Variants in XDH observed in about 807,000 individuals in gnomAD.
XDH encodes xanthine dehydrogenase/oxidase.
XDH carries 138 observed loss-of-function variants against 156.1 expected under a neutral mutation model. The observed-to-expected ratio is 0.88, with a 90% CI of 0.77 to 1.02. The LOEUF is 1.02. Ranked by LOEUF, XDH falls within the 50% of genes least tolerant of loss-of-function variation. XDH has a pLI of 0.00. For synonymous variants in XDH, 669 were observed against 625.7 expected (o/e 1.07, Z -1.03); for missense variants, 1,849 against 1,684.9 (o/e 1.10, Z -1.71).
At chr2:31,369,707 C>T (rs1467476314) in intron 18 of XDH, among the ~76,000 whole-genome samples, 2 of 152,232 alleles carry the variant, frequency 1.3e-5, no homozygotes, top group Non-Finnish European at 2.9e-5. Flanking sequence ...ATGAAATGCT[C>T]TCCTCATGGA....
Position 31,401,333 on chromosome 2 carries a change from A to T in XDH, c.198-5T>A, listed in dbSNP as rs1290475791. The T allele has an allele frequency of 1.9e-6, 3 of 1,614,068 alleles. No homozygotes were observed. The highest frequency in any genetic ancestry group is 2.5e-6 in the Non-Finnish European group (3 of 1,179,980). On this transcript the variant is annotated splice_polypyrimidine_tract_variant and splice_region_variant and intron_variant, in intron 3 of 35. Coordinates refer to ENST00000379416, the MANE Select transcript of XDH (RefSeq NM_000379.4). ...CAGGCATTGGCAGAAAAGTGGCTAG[A>T]ACCCCAGATTAAGGTCATTCCATTT...
At chr2:31,357,011 T>C (rs1685643614) in intron 24 of XDH, among the ~76,000 whole-genome samples, 1 of 151,828 alleles carries the variant, frequency 6.6e-6, no homozygotes, top group African/African-American at 2.4e-5. Flanking sequence ...AGAGAAGGTG[T>C]CAGGGAAATA....
Position 31,348,355 on chromosome 2 carries a change from G to A in XDH, c.3060C>T (p.Ala1020=). 2 of 1,614,146 alleles carry A rather than the reference G, an allele frequency of 1.2e-6. No individual in the cohort carries two copies. Among genetic ancestry groups the A allele is most frequent in the Non-Finnish European group, 1.7e-6 (2 of 1,180,022 alleles). ...FTVPFLNQAG[A]LLHVYTDGSV... is the part of the protein sequence containing the mutation. Reference sequence around the variant, plus strand: ...AGCCATCTGTGTACACATGAAGTAGGGCTCCTGCCTAGGGAAAGAGAAGGA... The same window carrying A: ...AGCCATCTGTGTACACATGAAGTAGAGCTCCTGCCTAGGGAAAGAGAAGGA... Residue 1020 remains alanine, a synonymous_variant, in exon 28 of 36, where the codon GCC becomes GCT. Coordinates refer to ENST00000379416, the MANE Select transcript of XDH (RefSeq NM_000379.4).
chr2:31,346,198 G>T (rs1685284570), intron 30 of XDH, among the ~76,000 whole-genome samples: 1 of 152,184 alleles, frequency 6.6e-6, no homozygotes, highest in South Asian at 2.1e-4. Context: ...AGACTCCCTT[G>T]CCCCTTCCCT....
At chr2:31,386,080 A>G (rs1280626692) in intron 9 of XDH, among the ~76,000 whole-genome samples, 2 of 152,170 alleles carry the variant, frequency 1.3e-5, no homozygotes, top group Non-Finnish European at 2.9e-5. Context: ...AGTCAACTAC[A>G]TGCAAGGATC....
chr2:31,342,615 G>C (rs1184123127), intron 31 of XDH, among the ~76,000 whole-genome samples: 3 of 152,128 alleles, frequency 2.0e-5, no homozygotes, highest in Non-Finnish European at 2.9e-5. Context: ...GCTCACGAAG[G>C]ACATGAAAGT....
intron 6 of XDH, among the ~76,000 whole-genome samples, chr2:31,395,683 C>G (rs964122421): frequency 3.3e-5 from 5 of 152,196 alleles, no homozygotes; most frequent in African/African-American, 1.2e-4. Flanking sequence ...TCTTCCTATC[C>G]TGGCAAAGGT....
Position 31,383,076 on chromosome 2 carries a change from G to C in XDH, c.963C>G (p.Ala321=), listed in dbSNP as rs1686480859. The C allele has an allele frequency of 6.2e-7, 1 of 1,614,166 alleles. No individual in the cohort carries two copies. The highest frequency in any genetic ancestry group is 8.5e-7 in the Non-Finnish European group (1 of 1,180,046). ...TLVDAVAKLP[A]QKTEVFRGVL... is the part of the protein sequence containing the mutation. ...CCCCTCTGAACACCTCTGTCTTTTG[G>C]GCAGGAAGCTTAGCAACAGCATCCA... is the stretch of plus-strand genomic sequence containing the variant. The change falls in exon 11 of 36, where the codon GCC becomes GCG. Residue 321 remains alanine (A), a synonymous_variant. Coordinates refer to ENST00000379416, the MANE Select transcript of XDH (RefSeq NM_000379.4).
At chr2:31,345,550 A>G (rs1413027608) in intron 30 of XDH, among the ~76,000 whole-genome samples, 1 of 152,208 alleles carries the variant, frequency 6.6e-6, no homozygotes, top group Non-Finnish European at 1.5e-5. Flanking sequence ...CTTTGCATAC[A>G]TTATCTTACT....
intron 22 of XDH, among the ~76,000 whole-genome samples, 168 bp downstream of exon 22, chr2:31,365,808 G>A (rs1183270056): frequency 6.6e-6 from 1 of 152,208 alleles, no homozygotes; most frequent in Non-Finnish European, 1.5e-5. Context: ...CGGAACAGGC[G>A]ATGTTACCCT....
chr2:31,362,657 C>A (rs1246166997), intron 24 of XDH, among the ~76,000 whole-genome samples: 1 of 152,100 alleles, frequency 6.6e-6, no homozygotes, highest in South Asian at 2.1e-4. Flanking sequence ...GCCAGTATTC[C>A]AAACTGTTTC....
In XDH at chr2:31,334,615, C is replaced by A. The variant is rs1684927839; in HGVS notation, c.*1343G>T. 6.6e-6 allele frequency: 1 copy of A among 152,142 alleles called. No homozygotes were observed. Among genetic ancestry groups the A allele is most frequent in the South Asian group, 2.1e-4 (1 of 4,830 alleles). 9.4% of individuals were successfully genotyped at this position (152,142 alleles called of 1,614,324 possible). A position where few individuals can be genotyped will look rare whatever the true frequency, so the allele number is the denominator to read the frequency against. ...CAGGTATCATATGACAGTAAGAAAA[C>A]CAAGCCTTAGATAGCTGCAGATCCT... is the stretch of plus-strand genomic sequence containing the variant. On this transcript the variant is annotated 3_prime_UTR_variant, in exon 36 of 36. Transcript: ENST00000379416.
At position 31,337,656 on chromosome 2, in the gene XDH, G is replaced by A; in HGVS notation, c.3936C>T (p.Asp1312=). The part of the protein sequence containing the change: ...TPEKIRNACV[D]KFTTLCVTGV... ...GGCATCATACCAGGGTGGTGAACTT[G>A]TCCACGCAGGCATTGCGGATCTTCT... is the stretch of plus-strand genomic sequence containing the variant. The change falls in exon 35 of 36, where the codon GAC becomes GAT. Residue 1312 remains aspartate (D), a synonymous_variant. Transcript: ENST00000379416. 3 of 1,614,166 alleles carry A rather than the reference G, an allele frequency of 1.9e-6. No individual in the cohort carries two copies. Among genetic ancestry groups the A allele is most frequent in the Non-Finnish European group, 1.7e-6 (2 of 1,180,046 alleles).
intron 1 of XDH, among the ~76,000 whole-genome samples, chr2:31,407,860 AC>A (rs914433981): frequency 8.1e-4 from 123 of 152,314 alleles, no homozygotes; most frequent in African/African-American, 2.9e-3. Context: ...ATGTGATTAC[AC>A]CCCATGAGTC....
At chr2:31,349,613 A>T in intron 26 of XDH, 73 bp downstream of exon 26, 1 of 1,505,392 alleles carries the variant, frequency 6.6e-7, no homozygotes, top group Non-Finnish European at 8.9e-7. Flanking sequence ...TTAGCTTCCT[A>T]TATGGGGTCA....
At chr2:31,404,818 AC>A (rs1479054835) in intron 2 of XDH, among the ~76,000 whole-genome samples, 1 of 152,188 alleles carries the variant, frequency 6.6e-6, no homozygotes, top group Non-Finnish European at 1.5e-5. Context: ...AGAACAAAGT[AC>A]ACCAAAGCCA....
At chr2:31,401,402 G>C in intron 3 of XDH, 74 bp from the exon 4 acceptor site, 1 of 1,508,434 alleles carries the variant, frequency 6.6e-7, no homozygotes, top group Non-Finnish European at 9.1e-7. Context: ...TGTGAGCTCT[G>C]GAGGACTTTG....
intron 34 of XDH, among the ~76,000 whole-genome samples, chr2:31,339,014 C>T (rs1191795685): frequency 3.3e-5 from 5 of 152,130 alleles, no homozygotes; most frequent in African/African-American, 1.2e-4. Context: ...CATGAGCCAC[C>T]GCACCCAGCC....
chr2:31,368,881 G>T (rs570388288), intron 18 of XDH, among the ~76,000 whole-genome samples: 1 of 152,128 alleles, frequency 6.6e-6, no homozygotes, highest in Non-Finnish European at 1.5e-5. Context: ...TGAGTATTTA[G>T]TACTGGCAGA....
Sources: gnomAD v4.1 joint callset for allele counts (sites outside exome capture counted in the v4.1 genomes callset) on GRCh38, gnomAD v4.1.1 for gene constraint, MANE v1.5 for transcripts, NCBI Gene and HGNC (gene_info 2026-07-23, HGNC 2026-07-21) for gene names.